ZBTB20: variants seen among roughly 807,000 people sequenced by gnomAD.
ZBTB20 encodes the protein zinc finger and BTB domain-containing protein 20.
ZBTB20 carries 9 observed loss-of-function variants against 56.9 expected under a neutral mutation model. That is an observed-to-expected ratio of 0.16 (90% CI 0.10 to 0.28). The LOEUF (loss-of-function observed/expected upper bound fraction) is 0.28, where lower values mean the gene tolerates loss of function less well. Among genes scored for constraint, ZBTB20 ranks in the 10% least tolerant of loss-of-function variants. The pLI is 1.00. For synonymous variants in ZBTB20, 417 were observed against 420.7 expected, an observed-to-expected ratio of 0.99 and a Z score of 0.11; for missense variants, 655 against 1,003.0, an observed-to-expected ratio of 0.65 and a Z score of 4.69.
chr3:114,362,293 C>T (rs1225566388), intron 10 of ZBTB20, among the ~76,000 whole-genome samples: 2 of 152,122 alleles, frequency 1.3e-5, no homozygotes, highest in Admixed American at 6.6e-5. Flanking sequence ...CTCCCAAAGG[C>T]TAGTATCTTG....
chr3:114,368,177 T>G (rs1273614597), intron 10 of ZBTB20, among the ~76,000 whole-genome samples: 4 of 152,230 alleles, frequency 2.6e-5, no homozygotes, highest in Non-Finnish European at 4.4e-5. Flanking sequence ...ACTATTTTTA[T>G]TCTCATTATG....
chr3:114,389,643 A>G (rs2085592052), intron 7 of ZBTB20, among the ~76,000 whole-genome samples: 1 of 152,088 alleles, frequency 6.6e-6, no homozygotes, highest in African/African-American at 2.4e-5. Flanking sequence ...TAATCCCAGC[A>G]CTTTGGGAGG....
At chr3:114,878,889 T>C (rs1035702324) in intron 4 of ZBTB20, among the ~76,000 whole-genome samples, 6 of 152,096 alleles carry the variant, frequency 3.9e-5, no homozygotes, top group African/African-American at 1.2e-4. Flanking sequence ...AAAAGAAATA[T>C]GGTACACAAA....
intron 5 of ZBTB20, among the ~76,000 whole-genome samples, chr3:114,722,619 T>G (rs2064993634): frequency 6.6e-6 from 1 of 152,180 alleles, no homozygotes; most frequent in Non-Finnish European, 1.5e-5. Flanking sequence ...CAAGTTTAAT[T>G]ACCCTTAAGA....
chr3:115,025,999 G>T (rs1482593422), intron 2 of ZBTB20, among the ~76,000 whole-genome samples: 1 of 150,952 alleles, frequency 6.6e-6, no homozygotes, highest in Non-Finnish European at 1.5e-5. Context: ...TTAGGTGGCT[G>T]ATTGGATGGA....
In ZBTB20 at chr3:114,840,462, C is replaced by T. The variant is rs76352099; in HGVS notation, c.-416-39288G>A. On this transcript the variant is annotated intron_variant, in intron 4 of 11. Transcript: ENST00000675478. ...ATTCATGTCATTTCAAATAACTTTC[C>T]TGGTTGTCAGTGGAACCATATTCAG... 1.4e-4 allele frequency among the ~76,000 whole-genome samples: 22 copies of T among 152,298 alleles called. No individual in the cohort carries two copies. The East Asian group carries it at 4.2e-3, about 29-fold the overall frequency.
At chr3:114,422,854 GA>G (rs1266102146) in intron 7 of ZBTB20, among the ~76,000 whole-genome samples, 3 of 151,860 alleles carry the variant, frequency 2.0e-5, no homozygotes, top group African/African-American at 7.3e-5. Context: ...ATAAGCTACT[GA>G]AAAAAATGGT....
intron 3 of ZBTB20, among the ~76,000 whole-genome samples, chr3:114,962,562 A>G (rs2077494606): frequency 6.6e-6 from 1 of 152,152 alleles, no homozygotes; most frequent in Non-Finnish European, 1.5e-5. Context: ...TTGGGGCAGC[A>G]GTATAATATA....
chr3:114,756,393 T>C (rs2068013154), intron 5 of ZBTB20, among the ~76,000 whole-genome samples: 1 of 152,164 alleles, frequency 6.6e-6, no homozygotes, highest in African/African-American at 2.4e-5. Context: ...AGGTCATTAA[T>C]TCAGTTCTGA....
chr3:114,679,825 A>T (rs909479115), intron 6 of ZBTB20, among the ~76,000 whole-genome samples: 2 of 152,182 alleles, frequency 1.3e-5, no homozygotes, highest in African/African-American at 4.8e-5. Context: ...TACTATAAAG[A>T]CTCATGCACA....
At chr3:115,020,561 C>T (rs2080162489) in intron 2 of ZBTB20, among the ~76,000 whole-genome samples, 1 of 150,930 alleles carries the variant, frequency 6.6e-6, no homozygotes, top group African/African-American at 2.4e-5. Flanking sequence ...AAGGAAGAAA[C>T]ATTTTCTTTC....
At chr3:114,386,032 CAT>C (rs1309040974) in intron 8 of ZBTB20, among the ~76,000 whole-genome samples, 4 of 152,168 alleles carry the variant, frequency 2.6e-5, no homozygotes, top group East Asian at 1.9e-4. Flanking sequence ...TTTCTGCTCA[CAT>C]GTTTGTCATT....
chr3:115,064,734 T>A (rs572185861), intron 2 of ZBTB20, among the ~76,000 whole-genome samples: 3 of 152,262 alleles, frequency 2.0e-5, no homozygotes, highest in Admixed American at 1.3e-4. Context: ...CTTACAGGCG[T>A]GAGCCACCGT....
intron 6 of ZBTB20, among the ~76,000 whole-genome samples, chr3:114,608,725 A>G (rs2107675158): frequency 6.6e-6 from 1 of 152,346 alleles, no homozygotes; most frequent in East Asian, 1.9e-4. Context: ...ATTCCCAAGT[A>G]TCAATTCTAA....
At chr3:114,477,009 C>G (rs1338557478) in intron 7 of ZBTB20, among the ~76,000 whole-genome samples, 2 of 152,148 alleles carry the variant, frequency 1.3e-5, no homozygotes, top group Non-Finnish European at 2.9e-5. Context: ...TTCTAAGGAT[C>G]ATAAGAGAAG....
In ZBTB20 at chr3:114,320,990, A is replaced by C. The variant is rs1182584316; in HGVS notation, c.*18015T>G. 1 of 152,200 alleles carries C rather than the reference A, an allele frequency of 6.6e-6. No homozygotes were observed. Among genetic ancestry groups the C allele is most frequent in the African/African-American group, 2.4e-5 (1 of 41,446 alleles). The allele number at this position is 152,200 out of a possible 1,614,324, so 9.4% of individuals were successfully genotyped here. A position where few individuals can be genotyped will look rare whatever the true frequency, so the allele number is the denominator to read the frequency against. ...ATAGCCTCACTTCAAGTTCAAATGG[A>C]AATGAAAACAAAATAAAGTGAACAG... On this transcript the variant is annotated 3_prime_UTR_variant, in exon 12 of 12. Coordinates refer to ENST00000675478, the MANE Select transcript of ZBTB20 (RefSeq NM_001348800.3).
intron 11 of ZBTB20, among the ~76,000 whole-genome samples, chr3:114,347,349 A>G (rs1380837439): frequency 6.6e-6 from 1 of 152,068 alleles, no homozygotes; most frequent in East Asian, 1.9e-4. Context: ...ATTTCTTTTT[A>G]ACTTTGTCAA....
At chr3:114,757,119 A>G (rs747325356) in intron 5 of ZBTB20, among the ~76,000 whole-genome samples, 3 of 152,152 alleles carry the variant, frequency 2.0e-5, no homozygotes, top group Admixed American at 2.0e-4. Flanking sequence ...CCCAGAAACT[A>G]GCAGCTGGAC....
chr3:114,652,604 A>C (rs1404769433), intron 6 of ZBTB20, among the ~76,000 whole-genome samples: 1 of 152,050 alleles, frequency 6.6e-6, no homozygotes, highest in Non-Finnish European at 1.5e-5. Flanking sequence ...CTATATATTT[A>C]CAGAAAGTCT....
Sources: gnomAD v4.1 joint callset for allele counts (sites outside exome capture counted in the v4.1 genomes callset) on GRCh38, gnomAD v4.1.1 for gene constraint, MANE v1.5 for transcripts, NCBI Gene and HGNC (gene_info 2026-07-23, HGNC 2026-07-21) for gene names.